The following FNDC3A variants were observed in gnomAD, a reference collection of about 807,000 sequenced individuals.
The protein encoded by FNDC3A is fibronectin type-III domain-containing protein 3A.
A neutral mutation model predicts 148.9 loss-of-function variants in FNDC3A; 32 were observed. That is an observed-to-expected ratio of 0.21 (90% CI 0.16 to 0.29). The LOEUF (loss-of-function observed/expected upper bound fraction) is 0.29, where lower values mean the gene tolerates loss of function less well. FNDC3A is among the 10% of genes least tolerant of loss of function. The pLI, the probability that FNDC3A is intolerant of heterozygous loss-of-function variation, is 1.00. For synonymous variants in FNDC3A, 472 were observed against 473.6 expected, an observed-to-expected ratio of 1.00 and a Z score of 0.04; for missense variants, 1,191 against 1,452.8, an observed-to-expected ratio of 0.82 and a Z score of 2.93.
intron 2 of FNDC3A, among the ~76,000 whole-genome samples, chr13:49,065,103 A>G (rs1245592959): frequency 6.6e-6 from 1 of 152,224 alleles, no homozygotes; most frequent in Non-Finnish European, 1.5e-5. Context: ...CTCTCTGGGC[A>G]GAGCTCAACT....
chr13:49,028,140 C>T (rs762214269), intron 2 of FNDC3A, among the ~76,000 whole-genome samples: 24 of 151,918 alleles, frequency 1.6e-4, no homozygotes, highest in South Asian at 6.3e-4. Context: ...GCTTGAACCC[C>T]GGAGGCAGAG....
chr13:49,084,613 A>AT (rs984413143), intron 3 of FNDC3A, among the ~76,000 whole-genome samples: 1 of 152,138 alleles, frequency 6.6e-6, no homozygotes, highest in African/African-American at 2.4e-5. Flanking sequence ...ATCAAGGTGA[A>AT]TTCAAGTTTT....
In FNDC3A at chr13:49,077,407, C is replaced by G. The variant is rs1222952037; in HGVS notation, c.175+2043C>G. ...TGATGTAAAGCAAGACTGTCTAGCCCAGGCAAACTTCCTGTCTTCCCCCAT... is the reference window on the plus strand; with the variant it reads ...TGATGTAAAGCAAGACTGTCTAGCCGAGGCAAACTTCCTGTCTTCCCCCAT... On this transcript the variant is annotated intron_variant, in intron 3 of 25. Transcript: ENST00000492622. 2.6e-5 allele frequency among the ~76,000 whole-genome samples: 4 copies of G among 152,238 alleles called. No homozygotes were observed. The East Asian group carries it at 5.8e-4, about 22-fold the overall frequency.
chr13:49,143,782 G>C (rs1415472269), intron 7 of FNDC3A, among the ~76,000 whole-genome samples: 1 of 152,046 alleles, frequency 6.6e-6, no homozygotes, highest in Non-Finnish European at 1.5e-5. Context: ...GACACATCTT[G>C]TGCTTCCCTA....
chr13:49,042,302 C>G (rs1874998850), intron 2 of FNDC3A, among the ~76,000 whole-genome samples: 1 of 152,038 alleles, frequency 6.6e-6, no homozygotes, highest in South Asian at 2.1e-4. Flanking sequence ...TATTTTTTCT[C>G]CTGGTTATCT....
intron 3 of FNDC3A, among the ~76,000 whole-genome samples, chr13:49,080,613 T>TATG (rs1164975751): frequency 1.3e-5 from 2 of 152,208 alleles, no homozygotes; most frequent in African/African-American, 4.8e-5. Context: ...TAGTAACTGG[T>TATG]ATGTAGAAAT....
chr13:49,086,229 T>C (rs1878805653), intron 3 of FNDC3A, among the ~76,000 whole-genome samples: 1 of 152,206 alleles, frequency 6.6e-6, no homozygotes, highest in Non-Finnish European at 1.5e-5. Context: ...GGCTCTTCAC[T>C]TGATGGTGGT....
intron 2 of FNDC3A, among the ~76,000 whole-genome samples, chr13:49,036,420 G>A (rs916768741): frequency 9.2e-5 from 14 of 152,186 alleles, no homozygotes; most frequent in Non-Finnish European, 1.9e-4. Flanking sequence ...AATGCTATAG[G>A]ACATTTCTGT....
At chr13:49,148,719 C>T (rs1417507991) in intron 8 of FNDC3A, among the ~76,000 whole-genome samples, 3 of 151,976 alleles carry the variant, frequency 2.0e-5, no homozygotes. Context: ...ATTTTTGGAT[C>T]ACTTTTTATA....
chr13:49,145,728 G>T (rs1261398452), intron 7 of FNDC3A, 50 bp from the exon 8 acceptor site: 2 of 1,449,040 alleles, frequency 1.4e-6, no homozygotes, highest in Non-Finnish European at 1.9e-6. Flanking sequence ...ACTGCTCATT[G>T]TATACATTAC....
intron 2 of FNDC3A, among the ~76,000 whole-genome samples, chr13:49,017,760 T>C (rs1161322220): frequency 6.6e-6 from 1 of 152,126 alleles, no homozygotes; most frequent in Non-Finnish European, 1.5e-5. Context: ...TTTCCATGTT[T>C]AGCGCTTCCT....
Position 49,207,444 on chromosome 13 carries a change from C to A in FNDC3A, c.*49C>A. ...CTATTACATTTTATTTTGTCATGTA[C>A]TAAAATTATTTCTGTATTGCTTTTA... is the stretch of plus-strand genomic sequence containing the variant. On this transcript the variant is annotated 3_prime_UTR_variant, in exon 26 of 26. Coordinates refer to ENST00000492622, the MANE Select transcript of FNDC3A (RefSeq NM_001079673.2). 1 of 1,173,176 alleles carries A rather than the reference C, an allele frequency of 8.5e-7. No individual in the cohort carries two copies. Among genetic ancestry groups the A allele is most frequent in the Non-Finnish European group, 1.2e-6 (1 of 830,154 alleles). 72.7% of individuals were successfully genotyped at this position (1,173,176 alleles called of 1,614,324 possible).
At position 49,209,643 on chromosome 13, in the gene FNDC3A, A is replaced by G. The variant is rs1886805578; in HGVS notation, c.*2248A>G. ...ATTCATTATTTGCTACCTGTTTAAG[A>G]AAGTGAAATGTTATGGTCTCCCCTC... On this transcript the variant is annotated 3_prime_UTR_variant, in exon 26 of 26. Transcript: ENST00000492622. 1.3e-5 allele frequency: 2 copies of G among 152,588 alleles called. No individual in the cohort carries two copies. Among genetic ancestry groups the G allele is most frequent in the South Asian group, 4.1e-4 (2 of 4,826 alleles). The allele number at this position is 152,588 out of a possible 1,614,324, so 9.5% of individuals were successfully genotyped here. A position where few individuals can be genotyped will look rare whatever the true frequency, so the allele number is the denominator to read the frequency against.
At chr13:49,120,597 T>C (rs1489681116) in intron 4 of FNDC3A, among the ~76,000 whole-genome samples, 1 of 150,774 alleles carries the variant, frequency 6.6e-6, no homozygotes, top group Non-Finnish European at 1.5e-5. Context: ...AGGAGACCCA[T>C]CTCACATGCA....
chr13:49,090,874 G>T (rs1879147443), intron 3 of FNDC3A, among the ~76,000 whole-genome samples: 1 of 152,060 alleles, frequency 6.6e-6, no homozygotes, highest in Admixed American at 6.6e-5. Context: ...TATGCCTGTA[G>T]TCCCAGCTAC....
chr13:49,018,208 G>A (rs1593477177), intron 2 of FNDC3A, among the ~76,000 whole-genome samples: 1 of 151,974 alleles, frequency 6.6e-6, no homozygotes, highest in African/African-American at 2.4e-5. Flanking sequence ...TTCCAACTTG[G>A]TTCTATTCTC....
intron 1 of FNDC3A, among the ~76,000 whole-genome samples, chr13:48,981,928 ACTT>A (rs1487202579): frequency 1.3e-5 from 2 of 152,122 alleles, no homozygotes; most frequent in Admixed American, 6.5e-5. Flanking sequence ...TCGCTTCACT[ACTT>A]CTTCAGTGAG....
At chr13:49,102,012 A>G (rs1419331496) in intron 3 of FNDC3A, among the ~76,000 whole-genome samples, 1 of 151,624 alleles carries the variant, frequency 6.6e-6, no homozygotes, top group Non-Finnish European at 1.5e-5. Flanking sequence ...TCCTTTTTAA[A>G]TTTTTATGTA....
At chr13:49,163,456 C>T (rs1884281352) in intron 8 of FNDC3A, among the ~76,000 whole-genome samples, 1 of 152,216 alleles carries the variant, frequency 6.6e-6, no homozygotes, top group African/African-American at 2.4e-5. Flanking sequence ...TGGATATAAT[C>T]TCCTGGTGTG....
Sources: gnomAD v4.1 joint callset for allele counts (sites outside exome capture counted in the v4.1 genomes callset) on GRCh38, gnomAD v4.1.1 for gene constraint, MANE v1.5 for transcripts, NCBI Gene and HGNC (gene_info 2026-07-23, HGNC 2026-07-21) for gene names.